Variants in SYN3 observed in about 807,000 individuals in gnomAD.
The protein encoded by SYN3 is synapsin-3.
Under a neutral mutation model 65.8 loss-of-function variants are expected in SYN3, and 35 were observed. The observed-to-expected ratio is 0.53, with a 90% CI of 0.41 to 0.70. SYN3 has a LOEUF of 0.70. Ranked by LOEUF, SYN3 falls within the 30% of genes least tolerant of loss-of-function variation. The probability of loss-of-function intolerance (pLI) is 0.00; values close to 1 mark genes in which losing one functional copy is unlikely to be tolerated. For synonymous variants in SYN3, 270 were observed against 292.9 expected, an observed-to-expected ratio of 0.92 and a Z score of 0.80; for missense variants, 680 against 749.0, an observed-to-expected ratio of 0.91 and a Z score of 1.08.
intron 6 of SYN3, among the ~76,000 whole-genome samples, chr22:32,610,728 G>A (rs1055462619): frequency 6.6e-6 from 1 of 152,092 alleles, no homozygotes; most frequent in Admixed American, 6.5e-5. Flanking sequence ...GATTACAGGC[G>A]CATGCCACCA....
rs144057794 is a variant in SYN3 at position 32,642,586 on chromosome 22, C to G, written c.712-45850G>C. Among the ~76,000 whole-genome samples the G allele has an allele frequency of 8.1e-3, 1,224 of 151,964 alleles. 16 individuals are homozygous for G. Among genetic ancestry groups the G allele is most frequent in the African/African-American group, 0.029 (1,183 of 41,474 alleles). ...CTCTCCGAGTAGCTGGGACTACAGG[C>G]GCCCCCACCACGCCTGGCTAATTTT... On this transcript the variant is annotated intron_variant, in intron 6 of 13. Coordinates refer to ENST00000358763, the MANE Select transcript of SYN3 (RefSeq NM_003490.4).
At chr22:32,532,358 G>T (rs1472091388) in intron 10 of SYN3, among the ~76,000 whole-genome samples, 1 of 152,300 alleles carries the variant, frequency 6.6e-6, no homozygotes, top group Non-Finnish European at 1.5e-5. Context: ...GAAGGCGAGG[G>T]ACCGGCTCCT....
intron 7 of SYN3, among the ~76,000 whole-genome samples, chr22:32,581,126 T>C (rs2058934605): frequency 6.6e-6 from 1 of 152,346 alleles, no homozygotes; most frequent in East Asian, 1.9e-4. Context: ...TTTTTATTTT[T>C]TGAGACTGAG....
At chr22:33,016,535 T>C (rs78029473) in intron 1 of SYN3, among the ~76,000 whole-genome samples, 2,216 of 152,314 alleles carry the variant, frequency 0.015, 18 homozygotes, top group Middle Eastern at 0.037. Context: ...GCACAAGTTT[T>C]CCCTTTTCTT....
At chr22:32,824,877 C>T (rs975713862) in intron 6 of SYN3, among the ~76,000 whole-genome samples, 1 of 152,156 alleles carries the variant, frequency 6.6e-6, no homozygotes, top group African/African-American at 2.4e-5. Flanking sequence ...CCATGACAAC[C>T]AGAGTACTTT....
chr22:32,963,693 G>GA (rs1331830858), intron 3 of SYN3, among the ~76,000 whole-genome samples: 2 of 152,122 alleles, frequency 1.3e-5, no homozygotes, highest in African/African-American at 4.8e-5. Context: ...GCAGAGAGAG[G>GA]AAAAGAGAGG....
At chr22:32,690,315 C>A (rs2060645618) in intron 6 of SYN3, among the ~76,000 whole-genome samples, 1 of 152,194 alleles carries the variant, frequency 6.6e-6, no homozygotes, top group South Asian at 2.1e-4. Context: ...GACTTCCCAG[C>A]CTCCAGAATG....
At chr22:32,697,412 A>G (rs1475979) in intron 6 of SYN3, among the ~76,000 whole-genome samples, 13,364 of 152,220 alleles carry the variant, frequency 0.088, 1,557 homozygotes, top group East Asian at 0.6. Flanking sequence ...AGATAATTAT[A>G]TCTATCCTGT....
chr22:32,836,848 G>A (rs1204013311), intron 6 of SYN3, among the ~76,000 whole-genome samples: 2 of 152,160 alleles, frequency 1.3e-5, no homozygotes, highest in African/African-American at 2.4e-5. Flanking sequence ...ATGTACCAGG[G>A]TCTCCTTGGC....
rs1327577406 is a variant in SYN3 at position 32,955,805 on chromosome 22, C to T, written c.370-24324G>A. ...CAGACTCACCCTTAATCTGGGTGGG[C>T]ACCATCTAATCAGCTGCCAGTGAAT... On this transcript the variant is annotated intron_variant, in intron 3 of 13. Transcript: ENST00000358763. 9.2e-5 allele frequency among the ~76,000 whole-genome samples: 14 copies of T among 152,010 alleles called. No homozygotes were observed. In the South Asian group the frequency reaches 2.7e-3, roughly 30 times the overall value.
intron 6 of SYN3, among the ~76,000 whole-genome samples, chr22:32,650,214 T>TTC: frequency 7.7e-6 from 1 of 130,110 alleles, no homozygotes; most frequent in African/African-American, 3.5e-5. Context: ...TACACTTTTC[T>TTC]TTCTCTCTCT....
At chr22:32,855,182 A>C (rs924758128) in intron 6 of SYN3, among the ~76,000 whole-genome samples, 1 of 152,148 alleles carries the variant, frequency 6.6e-6, no homozygotes, top group Non-Finnish European at 1.5e-5. Context: ...ATTGTGCAAC[A>C]CCTTGGTGCC....
At chr22:32,516,049 C>T (rs146185734) in intron 13 of SYN3, among the ~76,000 whole-genome samples, 410 of 152,268 alleles carry the variant, frequency 2.7e-3, no homozygotes, top group Non-Finnish European at 3.1e-3. Context: ...CCGCCCCCCT[C>T]CACCTCCCAA....
chr22:32,929,307 G>A (rs2146684238), intron 4 of SYN3, among the ~76,000 whole-genome samples: 1 of 151,992 alleles, frequency 6.6e-6, no homozygotes, highest in Admixed American at 6.5e-5. Flanking sequence ...CAAAAACCTG[G>A]TTATATAACT....
chr22:32,847,777 C>T (rs2048110121), intron 6 of SYN3, among the ~76,000 whole-genome samples: 1 of 152,136 alleles, frequency 6.6e-6, no homozygotes, highest in Admixed American at 6.5e-5. Context: ...GGGCTAAGTG[C>T]AACTTGAGAT....
At chr22:32,779,485 C>G (rs130535) in intron 6 of SYN3, among the ~76,000 whole-genome samples, 130,661 of 152,156 alleles carry the variant, frequency 0.86, 56,164 homozygotes, top group East Asian at 0.93. Context: ...ACAAACAAAT[C>G]TATGAAGCAA....
At chr22:32,729,968 A>G (rs1441706985) in intron 6 of SYN3, among the ~76,000 whole-genome samples, 3 of 152,238 alleles carry the variant, frequency 2.0e-5, no homozygotes, top group African/African-American at 7.2e-5. Flanking sequence ...TCGTTCATAG[A>G]TAATGACTGC....
intron 6 of SYN3, among the ~76,000 whole-genome samples, chr22:32,652,371 C>T (rs1437935891): frequency 3.4e-5 from 5 of 147,614 alleles, no homozygotes; most frequent in Non-Finnish European, 7.4e-5. Flanking sequence ...CCTAAGTCTG[C>T]GATGCAAGTT....
intron 7 of SYN3, among the ~76,000 whole-genome samples, chr22:32,569,561 C>A (rs1247193452): frequency 0.063 from 3,240 of 51,240 alleles, 70 homozygotes; most frequent in African/African-American, 0.11. Flanking sequence ...CTCTCTCTCT[C>A]TCTCTCTCTC....
Sources: allele counts gnomAD v4.1 joint callset (sites outside exome capture counted in the v4.1 genomes callset), GRCh38; gene constraint gnomAD v4.1.1; transcripts MANE v1.5; gene names NCBI Gene and HGNC (gene_info 2026-07-23, HGNC 2026-07-21).